Variants in RFX1 observed in about 807,000 individuals in gnomAD.
The protein encoded by RFX1 is MHC class II regulatory factor RFX1.
In RFX1, 42 loss-of-function variants were observed where a neutral mutation model predicts 119.6. The observed-to-expected ratio is 0.35, with a 90% CI of 0.27 to 0.45. The LOEUF (loss-of-function observed/expected upper bound fraction) is 0.45, where lower values mean the gene tolerates loss of function less well. Ranked by LOEUF, RFX1 falls within the 20% of genes least tolerant of loss-of-function variation. RFX1 has a pLI of 1.00. For missense variants in RFX1, 1,118 were observed against 1,368.1 expected (o/e 0.82, Z 2.88); for synonymous variants, 628 against 618.5 (o/e 1.02, Z -0.23).
intron 2 of RFX1, among the ~76,000 whole-genome samples, chr19:13,984,248 C>T (rs1480973990): frequency 7.6e-6 from 1 of 131,056 alleles, no homozygotes; most frequent in Non-Finnish European, 1.6e-5. Context: ...GTCCGCCTGT[C>T]CGTCCAGGGG....
At position 13,980,024 on chromosome 19, in the gene RFX1, T is replaced by A. The variant is rs548859341; in HGVS notation, c.739-482A>T. ...CTCTAGTGCCAGGCGGGGGAGTATC[T>A]GTGAAACCTCTGGGACAGGGTTTCT... On this transcript the variant is annotated intron_variant, in intron 6 of 20. Coordinates refer to ENST00000254325, the MANE Select transcript of RFX1 (RefSeq NM_002918.5). This position sits in a 1 kb window ranked among gnomAD's most constrained non-coding sequence, Gnocchi z 5.1. 6.6e-6 allele frequency among the ~76,000 whole-genome samples: 1 copy of A among 152,104 alleles called. No individual in the cohort carries two copies. The highest frequency in any genetic ancestry group is 2.1e-4 in the South Asian group (1 of 4,830).
Position 13,962,478 on chromosome 19 carries a change from A to G in RFX1, c.*217T>C. The stretch of plus-strand genomic sequence containing the variant: ...CACCTGGGCACGCGGCGGGTTCCTT[A>G]AGGCACGTCTTTTGTGTCAGAGTTT... On this transcript the variant is annotated 3_prime_UTR_variant, in exon 21 of 21. Coordinates refer to ENST00000254325, the MANE Select transcript of RFX1 (RefSeq NM_002918.5). The G allele has an allele frequency of 1.9e-6, 1 of 529,432 alleles. No individual in the cohort carries two copies. The highest frequency in any genetic ancestry group is 3.3e-6 in the Non-Finnish European group (1 of 303,284). 32.8% of individuals were successfully genotyped at this position (529,432 alleles called of 1,614,324 possible).
At chr19:13,977,829 G>A (rs925555247) in intron 8 of RFX1, among the ~76,000 whole-genome samples, 163 bp downstream of exon 8, 3 of 152,014 alleles carry the variant, frequency 2.0e-5, no homozygotes. Flanking sequence ...ACTTTTCGTG[G>A]CTGTGGCTGC....
chr19:14,005,849 C>A (rs1386511182), intron 1 of RFX1, among the ~76,000 whole-genome samples: 1 of 151,932 alleles, frequency 6.6e-6, no homozygotes, highest in African/African-American at 2.4e-5. Context: ...AAAAGCCCCC[C>A]GCCCCGGCCT....
Position 13,968,513 on chromosome 19 carries a change from G to A in RFX1, c.1732+52C>T, listed in dbSNP as rs775963188. ...CGCCATCCAGCTTTGGGAACCGTCT[G>A]CACGGGGCAGGGAGGCGGTGGTTGG... On this transcript the variant is annotated intron_variant, in intron 12 of 20. Transcript: ENST00000254325. The surrounding 1 kb of genome is among the most constrained non-coding windows in gnomAD (Gnocchi z 5.5). 6.9e-7 allele frequency: 1 copy of A among 1,451,082 alleles called. No individual in the cohort carries two copies. Among genetic ancestry groups the A allele is most frequent in the Non-Finnish European group, 9.7e-7 (1 of 1,033,104 alleles). The allele number at this position is 1,451,082 out of a possible 1,614,324, so 89.9% of individuals were successfully genotyped here.
intron 1 of RFX1, among the ~76,000 whole-genome samples, chr19:13,996,965 C>T (rs1975048629): frequency 6.6e-6 from 1 of 152,138 alleles, no homozygotes; most frequent in South Asian, 2.1e-4. Context: ...CTCAAGTAAT[C>T]CGCCCACCTC....
intron 2 of RFX1, among the ~76,000 whole-genome samples, chr19:13,992,114 C>A (rs1974826623): frequency 6.6e-6 from 1 of 152,142 alleles, no homozygotes; most frequent in Admixed American, 6.6e-5. Flanking sequence ...TCCGGGCTCC[C>A]ACTGAGGCCT....
rs1472612997 is a variant in RFX1, at chr19:13,978,064, G to C, written c.857C>G (p.Pro286Arg). The C allele has an allele frequency of 6.2e-7, 1 of 1,613,368 alleles. No homozygotes were observed. The highest frequency in any genetic ancestry group is 8.5e-7 in the Non-Finnish European group (1 of 1,179,756). The change falls in exon 8 of 21, where the codon CCC becomes CGC. Residue 286 changes from proline (P) to arginine (R), a missense_variant. By Grantham distance (103) the Pro-to-Arg change is moderately radical. Transcript: ENST00000254325. The part of the protein sequence containing the change: ...AQEVQQLQQV[P>R]VPHVYSSQVQ... ...CTGGCTGGAGTACACGTGTGGGACG[G>C]GCACCTGCTGGAGCTGCTGCACCTG...
chr19:13,963,257 G>T lies in RFX1; in HGVS notation c.2589C>A (p.Asp863Glu). 6.2e-7 allele frequency: 1 copy of T among 1,610,886 alleles called. No individual in the cohort carries two copies. The highest frequency in any genetic ancestry group is 8.5e-7 in the Non-Finnish European group (1 of 1,179,308). Residue 863 changes from aspartate (D) to glutamate (E), a missense_variant, in exon 19 of 21, where the codon GAC becomes GAA. By Grantham distance (45) the Asp-to-Glu change is conservative. This residue lies in a region of RFX1 where 32 missense variants were observed against 71.5 expected (regional missense o/e 0.45). Transcript: ENST00000254325. ...WSFYSSMVIRDLTLRSAASFG... is the reference protein window; with the variant it reads ...WSFYSSMVIRELTLRSAASFG... Reference sequence around the variant, plus strand: ...AGCTGGCGGCGCTGCGCAGGGTCAGGTCCCGGATCACCATGGAGCTGGGGA... The same window carrying T: ...AGCTGGCGGCGCTGCGCAGGGTCAGTTCCCGGATCACCATGGAGCTGGGGA...
chr19:13,972,218 A>G (rs1269633142), intron 9 of RFX1, among the ~76,000 whole-genome samples: 1 of 145,646 alleles, frequency 6.9e-6, no homozygotes, highest in Non-Finnish European at 1.5e-5. Context: ...TTTTTTTGAG[A>G]CAGAATCTTG....
chr19:13,984,479 C>G (rs1048959101), intron 2 of RFX1, among the ~76,000 whole-genome samples: 27 of 152,148 alleles, frequency 1.8e-4, no homozygotes, highest in African/African-American at 6.5e-4. Flanking sequence ...GAGATGCTAT[C>G]AGGCAGGCAC....
chr19:13,972,858 C>G lies in RFX1; in HGVS notation c.1199G>C (p.Ser400Thr), dbSNP rs1202673062. 6.4e-7 allele frequency: 1 copy of G among 1,564,808 alleles called. No homozygotes were observed. The highest frequency in any genetic ancestry group is 1.4e-5 in the African/African-American group (1 of 73,680). ...GCTGCCGCCGCCTCCGGTGCTGCCA[C>G]TGCCACCCCCGCCACCGCCTCCCCC... ...GGGGGGGGGG[S>T]GSTGGGGSGA... The change falls in exon 9 of 21, where the codon AGT becomes ACT. Residue 400 changes from serine (S) to threonine (T), a missense_variant. Physicochemically the swap from Ser to Thr is moderately conservative, Grantham distance 58. Around this residue, in one of 5 missense-constraint regions of RFX1, gnomAD observed 542 missense variants for 602.7 expected, o/e 0.90. Transcript: ENST00000254325.
At chr19:13,962,957 G>A in intron 20 of RFX1, 37 bp downstream of exon 20, 4 of 1,548,590 alleles carry the variant, frequency 2.6e-6, no homozygotes, top group Non-Finnish European at 3.5e-6. Context: ...CGCCACCCCC[G>A]GGACCCGCGC....
chr19:13,997,313 T>G (rs920198975), intron 1 of RFX1, among the ~76,000 whole-genome samples: 1 of 152,204 alleles, frequency 6.6e-6, no homozygotes, highest in African/African-American at 2.4e-5. Flanking sequence ...TGGACGGGGA[T>G]GGATGCACCA....
Position 13,964,021 on chromosome 19 carries a change from T to G in RFX1, c.2212-14A>C, listed in dbSNP as rs1568456879. The G allele has an allele frequency of 1.3e-6, 2 of 1,529,598 alleles. No homozygotes were observed. Among genetic ancestry groups the G allele is most frequent in the Non-Finnish European group, 1.7e-6 (2 of 1,143,914 alleles). 94.8% of individuals were successfully genotyped at this position (1,529,598 alleles called of 1,614,324 possible). Reference sequence around the variant, plus strand: ...AGCCGCGGCCACCTGCGTGCAGGGATTGAGGGGCTTGCTGCTTCCAAGGAA... The same window carrying G: ...AGCCGCGGCCACCTGCGTGCAGGGAGTGAGGGGCTTGCTGCTTCCAAGGAA... On this transcript the variant is annotated splice_polypyrimidine_tract_variant and intron_variant, in intron 16 of 20. Coordinates refer to ENST00000254325, the MANE Select transcript of RFX1 (RefSeq NM_002918.5).
chr19:13,965,606 C>A lies in RFX1; in HGVS notation c.2113+20G>T, dbSNP rs1209704467. ...CGGGTGTATGTGGGGCAGGGGATGCCGAGCAGGCCGAGCACTCACTGGGGA... is the reference window on the plus strand; with the variant it reads ...CGGGTGTATGTGGGGCAGGGGATGCAGAGCAGGCCGAGCACTCACTGGGGA... On this transcript the variant is annotated intron_variant, in intron 15 of 20. Transcript: ENST00000254325. This position sits in a 1 kb window ranked among gnomAD's most constrained non-coding sequence, Gnocchi z 4.7. 2 of 1,612,158 alleles carry A rather than the reference C, an allele frequency of 1.2e-6. No homozygotes were observed. The highest frequency in any genetic ancestry group is 1.7e-4 in the Middle Eastern group (1 of 6,046).
intron 18 of RFX1, 68 bp downstream of exon 18, chr19:13,963,470 A>C (rs1358650616): frequency 4.7e-6 from 7 of 1,489,884 alleles, no homozygotes; most frequent in Admixed American, 2.0e-5. Flanking sequence ...GTAGAAGAGC[A>C]CCTGAGACCC....
At chr19:13,984,940 A>G (rs1365891888) in intron 2 of RFX1, among the ~76,000 whole-genome samples, 1 of 151,868 alleles carries the variant, frequency 6.6e-6, no homozygotes, top group East Asian at 1.9e-4. Flanking sequence ...GCTCACTGCA[A>G]CCTCTGTCCC....
chr19:13,980,603 G>A lies in RFX1; in HGVS notation c.708C>T (p.Gly236=), dbSNP rs565683108. Residue 236 remains glycine (G), a synonymous_variant, in exon 6 of 21, where the codon GGC becomes GGT. Transcript: ENST00000254325. This position sits in a 1 kb window ranked among gnomAD's most constrained non-coding sequence, Gnocchi z 5.1. ...GTVPQQLQVH[G]VQQSVPVTQE... ...GGGTGACGGGGACACTCTGCTGGAC[G>A]CCGTGGACCTGCAGCTGCTGTGGCA... 22 of 1,577,326 alleles carry A rather than the reference G, an allele frequency of 1.4e-5. No individual in the cohort carries two copies. Among genetic ancestry groups the A allele is most frequent in the East Asian group, 2.3e-5 (1 of 43,656 alleles).
Sources: gnomAD v4.1 joint callset for allele counts (sites outside exome capture counted in the v4.1 genomes callset) on GRCh38, gnomAD v4.1.1 for gene constraint, gnomAD v4.1.1 regional missense constraint, Gnocchi (gnomAD v3.1) non-coding constraint, MANE v1.5 for transcripts, NCBI Gene and HGNC (gene_info 2026-07-23, HGNC 2026-07-21) for gene names.